Variants in RIMBP2 observed in about 807,000 individuals in gnomAD.
RIMBP2 encodes RIMS binding protein 2.
RIMBP2 carries 48 observed loss-of-function variants against 118.6 expected under a neutral mutation model. The observed-to-expected ratio is 0.40, with a 90% CI of 0.32 to 0.51. The LOEUF (loss-of-function observed/expected upper bound fraction) is 0.51, where lower values mean the gene tolerates loss of function less well. RIMBP2 is among the 20% of genes least tolerant of loss of function. The probability of loss-of-function intolerance (pLI) is 0.41; values close to 1 mark genes in which losing one functional copy is unlikely to be tolerated. For missense variants in RIMBP2, 1,551 were observed against 1,768.3 expected, an observed-to-expected ratio of 0.88 and a Z score of 2.20; for synonymous variants, 762 against 742.9, an observed-to-expected ratio of 1.03 and a Z score of -0.42.
intron 1 of RIMBP2, among the ~76,000 whole-genome samples, chr12:130,659,299 C>T (rs572174751): frequency 1.7e-4 from 26 of 152,138 alleles, no homozygotes; most frequent in African/African-American, 6.0e-4. Context: ...CGGCCGGGTG[C>T]GGTGGCTTAT....
Position 130,474,358 on chromosome 12 carries a change from C to T in RIMBP2, c.103-3615G>A, listed in dbSNP as rs142159665. Among the ~76,000 whole-genome samples the T allele has an allele frequency of 3.9e-3, 587 of 152,316 alleles. 2 individuals carry two copies. Among genetic ancestry groups the T allele is most frequent in the Middle Eastern group, 6.8e-3 (2 of 294 alleles). ...CTGCGGGATTTTGACCCTACTGCCC[C>T]GACTGACGGAACCTCGTCACATCTC... On this transcript the variant is annotated intron_variant, in intron 5 of 22. Coordinates refer to ENST00000690449, the MANE Select transcript of RIMBP2 (RefSeq NM_001393629.1).
intron 1 of RIMBP2, among the ~76,000 whole-genome samples, chr12:130,644,230 C>T (rs1472639352): frequency 2.0e-5 from 3 of 152,210 alleles, no homozygotes; most frequent in Non-Finnish European, 4.4e-5. Flanking sequence ...CACTCACACA[C>T]ACACACTTGC....
intron 6 of RIMBP2, chr12:130,470,441 G>A (rs901250252): frequency 2.5e-5 from 9 of 365,812 alleles, no homozygotes; most frequent in African/African-American, 1.7e-4. Context: ...ACAGTTCTGG[G>A]TCTGGATGTG....
intron 2 of RIMBP2, among the ~76,000 whole-genome samples, chr12:130,615,712 C>T (rs1333152773): frequency 6.6e-6 from 1 of 152,100 alleles, no homozygotes; most frequent in Non-Finnish European, 1.5e-5. Flanking sequence ...GGTGGAGGGA[C>T]ATGCATTGCT....
At chr12:130,709,989 T>C (rs1949788432) in intron 1 of RIMBP2, among the ~76,000 whole-genome samples, 1 of 151,964 alleles carries the variant, frequency 6.6e-6, no homozygotes, top group Admixed American at 6.6e-5. Flanking sequence ...CATGACCAAC[T>C]CCCCATGGAT....
chr12:130,675,024 G>A (rs996897286), intron 1 of RIMBP2, among the ~76,000 whole-genome samples: 14 of 152,182 alleles, frequency 9.2e-5, no homozygotes, highest in Admixed American at 7.9e-4. Context: ...GTAGAGGGGC[G>A]TGCAGTGAGC....
Position 130,494,853 on chromosome 12 carries a change from A to C in RIMBP2, c.-4+11795T>G, listed in dbSNP as rs188051335. ...CACAACTGGCACTTCTGCTTAAGAC[A>C]ATGGAAAGTGTCCTCTCACAGCCCT... is the stretch of plus-strand genomic sequence containing the variant. On this transcript the variant is annotated intron_variant, in intron 4 of 22. Transcript: ENST00000690449. Among the ~76,000 whole-genome samples, 25 of 152,280 alleles carry C rather than the reference A, an allele frequency of 1.6e-4. No homozygotes were observed. In the East Asian group the frequency reaches 2.7e-3, roughly 17 times the overall value.
At chr12:130,399,037 G>T in intron 22 of RIMBP2, 2 of 661,776 alleles carry the variant, frequency 3.0e-6, no homozygotes, top group South Asian at 4.2e-5. Context: ...CCACAATGAA[G>T]CCTTAAGTCT....
intron 1 of RIMBP2, among the ~76,000 whole-genome samples, chr12:130,671,293 T>C (rs977517749): frequency 3.3e-5 from 5 of 152,216 alleles, no homozygotes; most frequent in Non-Finnish European, 7.4e-5. Flanking sequence ...GCCACCTCAC[T>C]GTCAGATGCC....
intron 3 of RIMBP2, among the ~76,000 whole-genome samples, chr12:130,510,483 T>C (rs2138903548): frequency 6.6e-6 from 1 of 152,276 alleles, no homozygotes; most frequent in Non-Finnish European, 1.5e-5. Flanking sequence ...CTTTCTTTTT[T>C]TTTGAGATGG....
At chr12:130,601,249 C>T (rs897361670) in intron 2 of RIMBP2, among the ~76,000 whole-genome samples, 3 of 149,314 alleles carry the variant, frequency 2.0e-5, no homozygotes, top group Non-Finnish European at 4.4e-5. Context: ...GGAGCTCTCA[C>T]CTGAGTGAAA....
In RIMBP2 at chr12:130,566,606, C is replaced by T. The variant is rs182879300; in HGVS notation, c.-216-48689G>A. 1.1e-4 allele frequency among the ~76,000 whole-genome samples: 16 copies of T among 152,284 alleles called. No individual in the cohort carries two copies. In the East Asian group the frequency reaches 1.2e-3, roughly 11 times the overall value. Reference sequence around the variant, plus strand: ...GCAAGGAGCTGAACCTGCCAGCAACCGCACCAGACAAGTTGGAAGTGATCC... The same window carrying T: ...GCAAGGAGCTGAACCTGCCAGCAACTGCACCAGACAAGTTGGAAGTGATCC... On this transcript the variant is annotated intron_variant, in intron 2 of 22. Coordinates refer to ENST00000690449, the MANE Select transcript of RIMBP2 (RefSeq NM_001393629.1).
chr12:130,562,560 A>G (rs1453524176), intron 2 of RIMBP2, among the ~76,000 whole-genome samples: 4 of 152,200 alleles, frequency 2.6e-5, no homozygotes, highest in African/African-American at 9.7e-5. Context: ...CTCACATAGA[A>G]GAAAGAAAAA....
intron 1 of RIMBP2, among the ~76,000 whole-genome samples, chr12:130,690,741 A>T (rs1272875583): frequency 6.6e-6 from 1 of 152,128 alleles, no homozygotes; most frequent in Admixed American, 6.5e-5. Context: ...AAAATGACAA[A>T]AGGTCTGAGA....
chr12:130,633,867 C>T (rs2062167449), intron 1 of RIMBP2: 1 of 152,354 alleles, frequency 6.6e-6, no homozygotes, highest in East Asian at 1.9e-4. Context: ...CCCGCCGGCC[C>T]CCCTTCCGGT....
intron 1 of RIMBP2, among the ~76,000 whole-genome samples, chr12:130,637,277 G>A (rs60347826): frequency 2.8e-3 from 432 of 152,292 alleles, no homozygotes; most frequent in African/African-American, 1.0e-2. Context: ...AGTTGCCCCA[G>A]TGGAATGGGA....
At chr12:130,479,323 G>A (rs1323938952) in intron 4 of RIMBP2, among the ~76,000 whole-genome samples, 1 of 152,206 alleles carries the variant, frequency 6.6e-6, no homozygotes, top group Non-Finnish European at 1.5e-5. Flanking sequence ...TGCTTGTTTT[G>A]AAAAAGTGAA....
chr12:130,499,647 A>G (rs1593540373), intron 4 of RIMBP2, among the ~76,000 whole-genome samples: 2 of 152,156 alleles, frequency 1.3e-5, no homozygotes, highest in Admixed American at 1.3e-4. Flanking sequence ...CTGCCCCAGG[A>G]CCTTTGCACC....
Position 130,647,996 on chromosome 12 carries a change from T to G in RIMBP2, c.-351-19540A>C, listed in dbSNP as rs2063061797. On this transcript the variant is annotated intron_variant, in intron 1 of 22. Transcript: ENST00000690449. ...GACCCCAGCTCCGTTGGATAACACA[T>G]GCACACACGTGTGCACACACATGTG... 1.4e-5 allele frequency among the ~76,000 whole-genome samples: 2 copies of G among 146,370 alleles called. 1 individual carries two copies. Among genetic ancestry groups the G allele is most frequent in the African/African-American group, 4.9e-5 (2 of 40,850 alleles).
Sources: gnomAD v4.1 joint callset for allele counts (sites outside exome capture counted in the v4.1 genomes callset) on GRCh38, gnomAD v4.1.1 for gene constraint, MANE v1.5 for transcripts, NCBI Gene and HGNC (gene_info 2026-07-23, HGNC 2026-07-21) for gene names.